Variants in APLF observed in about 807,000 individuals in gnomAD.
The protein encoded by APLF is aprataxin and PNK-like factor.
A neutral mutation model predicts 55.6 loss-of-function variants in APLF; 61 were observed. That is an observed-to-expected ratio of 1.10 (90% CI 0.89 to 1.36). The LOEUF (loss-of-function observed/expected upper bound fraction) is 1.36. Ranked by LOEUF, APLF falls within the 40% of genes most tolerant of loss-of-function variation. APLF has a pLI of 0.00. For missense variants in APLF, 611 were observed against 602.5 expected, an observed-to-expected ratio of 1.01 and a Z score of -0.15; for synonymous variants, 207 against 214.8, an observed-to-expected ratio of 0.96 and a Z score of 0.32.
chr2:68,522,930 G>T (rs1382831848), intron 5 of APLF, among the ~76,000 whole-genome samples: 1 of 151,802 alleles, frequency 6.6e-6, no homozygotes, highest in Non-Finnish European at 1.5e-5. Flanking sequence ...TTTTGATTAT[G>T]CCTGTACACT....
Position 68,502,736 on chromosome 2 carries a change from C to T in APLF, c.174C>T (p.His58=), listed in dbSNP as rs1425126100. ...ATTCTTTTTTAATTTGTTAGATACA[C>T]ACAAATCCATGTTTTTACCAGTCTT... ...AGGQLRIKPI[H]TNPCFYQSSE... Residue 58 remains histidine, a synonymous_variant, in exon 3 of 10, where the codon CAC becomes CAT. Transcript: ENST00000303795. 2 of 1,510,422 alleles carry T rather than the reference C, an allele frequency of 1.3e-6. No homozygotes were observed. The highest frequency in any genetic ancestry group is 2.5e-5 in the East Asian group (1 of 40,580). 93.6% of individuals were successfully genotyped at this position (1,510,422 alleles called of 1,614,324 possible).
chr2:68,516,930 A>T (rs1473208680), intron 5 of APLF, among the ~76,000 whole-genome samples: 1 of 125,202 alleles, frequency 8.0e-6, no homozygotes, highest in East Asian at 2.1e-4. Flanking sequence ...ATTATATATA[A>T]TATATAATAT....
At chr2:68,505,991 C>T (rs922431577) in intron 3 of APLF, among the ~76,000 whole-genome samples, 6 of 151,910 alleles carry the variant, frequency 3.9e-5, no homozygotes, top group African/African-American at 7.2e-5. Flanking sequence ...AAAGTCACCT[C>T]ATTAACATAC....
chr2:68,563,330 G>A lies in APLF; in HGVS notation c.1287-4011G>A, dbSNP rs559286341. On this transcript the variant is annotated intron_variant, in intron 8 of 9. Coordinates refer to ENST00000303795, the MANE Select transcript of APLF (RefSeq NM_173545.3). ...TTACATTTTCTGCTCTTCCTTTTTG[G>A]AATAATTAAATGTAACACTTCTTTC... The A allele has an allele frequency of 4.1e-6, 4 of 983,748 alleles. No individual in the cohort carries two copies. The African/African-American group carries it at 5.2e-5, about 13-fold the overall frequency. 60.9% of individuals were successfully genotyped at this position (983,748 alleles called of 1,614,324 possible). A position where few individuals can be genotyped will look rare whatever the true frequency, so the allele number is the denominator to read the frequency against.
intron 1 of APLF, 119 bp from the exon 2 acceptor site, chr2:68,490,071 A>T: frequency 1.8e-6 from 1 of 562,790 alleles, no homozygotes; most frequent in East Asian, 3.1e-5. Flanking sequence ...AATGAATGAT[A>T]TATTTCATAT....
intron 6 of APLF, among the ~76,000 whole-genome samples, chr2:68,530,308 A>T (rs901938957): frequency 9.9e-5 from 15 of 152,200 alleles, no homozygotes; most frequent in Non-Finnish European, 2.2e-4. Context: ...GCACACCTCG[A>T]AGGAGGTCTT....
intron 3 of APLF, among the ~76,000 whole-genome samples, chr2:68,506,002 A>G (rs1271683786): frequency 6.6e-6 from 1 of 151,930 alleles, no homozygotes; most frequent in Admixed American, 6.6e-5. Flanking sequence ...ATTAACATAC[A>G]TTCAGGTGTG....
At chr2:68,527,927 T>A (rs1375998457) in intron 6 of APLF, among the ~76,000 whole-genome samples, 16 of 150,466 alleles carry the variant, frequency 1.1e-4, no homozygotes, top group Non-Finnish European at 2.4e-4. Context: ...CACTCCTCAC[T>A]GCCCAGACGG....
At chr2:68,563,124 A>G (rs1173592582) in intron 8 of APLF, 1 of 985,126 alleles carries the variant, frequency 1.0e-6, no homozygotes, top group Admixed American at 6.2e-5. Context: ...GTTGAAAAAC[A>G]CCAACTCAGC....
Position 68,579,456 on chromosome 2 carries a change from G to GA in APLF, c.*1436dup. ...TCTACTCCTAGGTATATACCCAGAG[G>GA]AATTGAAAACATTTCCACATAAAAA... On this transcript the variant is annotated 3_prime_UTR_variant, in exon 10 of 10. Coordinates refer to ENST00000303795, the MANE Select transcript of APLF (RefSeq NM_173545.3). The GA allele has an allele frequency of 1.1e-6, 1 of 904,938 alleles. No individual in the cohort carries two copies. Among genetic ancestry groups the GA allele is most frequent in the Non-Finnish European group, 1.3e-6 (1 of 756,912 alleles). 56.1% of individuals were successfully genotyped at this position (904,938 alleles called of 1,614,324 possible).
At chr2:68,469,868 C>T (rs184825249) in intron 1 of APLF, among the ~76,000 whole-genome samples, 1 of 152,266 alleles carries the variant, frequency 6.6e-6, no homozygotes, top group African/African-American at 2.4e-5. Flanking sequence ...CTTAATTGGG[C>T]ATGTTTTTCT....
chr2:68,571,300 T>G lies in APLF; in HGVS notation c.1333+3913T>G, dbSNP rs562637809. On this transcript the variant is annotated intron_variant, in intron 9 of 9. Coordinates refer to ENST00000303795, the MANE Select transcript of APLF (RefSeq NM_173545.3). ...CTGTGCAGAAGCTCTTTAGTTTAATTAGATCCCATTTGTCAATTTTGGCTT... is the reference window on the plus strand; with the variant it reads ...CTGTGCAGAAGCTCTTTAGTTTAATGAGATCCCATTTGTCAATTTTGGCTT... Among the ~76,000 whole-genome samples the G allele has an allele frequency of 4.3e-3, 659 of 152,294 alleles. 2 individuals are homozygous for G. The highest frequency in any genetic ancestry group is 0.015 in the African/African-American group (605 of 41,580).
intron 9 of APLF, among the ~76,000 whole-genome samples, chr2:68,572,235 A>G (rs1382672241): frequency 2.0e-5 from 3 of 152,170 alleles, no homozygotes; most frequent in African/African-American, 4.8e-5. Flanking sequence ...ATAATAAAGT[A>G]GATCAGAAAT....
chr2:68,494,007 C>G (rs932660381), intron 2 of APLF, among the ~76,000 whole-genome samples: 1 of 151,836 alleles, frequency 6.6e-6, no homozygotes, highest in African/African-American at 2.4e-5. Context: ...ACTCAGGAGG[C>G]TGAGACGGGA....
chr2:68,578,803 T>A lies in APLF; in HGVS notation c.*781T>A. ...AGAGAAACGACATAACTTTCTCAAA[T>A]GGCATTAGTTTTGCCTTAGTTTTTT... On this transcript the variant is annotated 3_prime_UTR_variant, in exon 10 of 10. Transcript: ENST00000303795. The A allele has an allele frequency of 1.0e-6, 1 of 985,354 alleles. No homozygotes were observed. The highest frequency in any genetic ancestry group is 1.2e-6 in the Non-Finnish European group (1 of 829,884). 61.0% of individuals were successfully genotyped at this position (985,354 alleles called of 1,614,324 possible).
At chr2:68,486,912 G>A (rs1042862766) in intron 1 of APLF, among the ~76,000 whole-genome samples, 1 of 152,090 alleles carries the variant, frequency 6.6e-6, no homozygotes, top group Non-Finnish European at 1.5e-5. Context: ...AGTATATTTT[G>A]AAGTAATTTA....
chr2:68,523,117 A>T (rs956853518), intron 5 of APLF, among the ~76,000 whole-genome samples: 4 of 152,028 alleles, frequency 2.6e-5, no homozygotes, highest in Non-Finnish European at 5.9e-5. Context: ...GAAGGTTTTT[A>T]AAAAATTGTC....
chr2:68,515,763 G>A (rs573997940), intron 5 of APLF: 1 of 975,588 alleles, frequency 1.0e-6, no homozygotes, highest in African/African-American at 1.8e-5. Flanking sequence ...CTAAGACCGT[G>A]GGAGAAGTAC....
intron 9 of APLF, among the ~76,000 whole-genome samples, chr2:68,574,675 C>T (rs1357901587): frequency 6.6e-6 from 1 of 152,158 alleles, no homozygotes; most frequent in African/African-American, 2.4e-5. Context: ...CAGATATAAA[C>T]TTTTTTCTGA....
Sources: gnomAD v4.1 joint callset for allele counts (sites outside exome capture counted in the v4.1 genomes callset) on GRCh38, gnomAD v4.1.1 for gene constraint, MANE v1.5 for transcripts, NCBI Gene and HGNC (gene_info 2026-07-23, HGNC 2026-07-21) for gene names.